The following LY96 variants were observed in gnomAD, a reference collection of about 807,000 sequenced individuals.
LY96 encodes the protein lymphocyte antigen 96.
LY96 carries 18 observed loss-of-function variants against 18.9 expected under a neutral mutation model. That is an observed-to-expected ratio of 0.95 (90% CI 0.66 to 1.41). The LOEUF (loss-of-function observed/expected upper bound fraction) is 1.41, where lower values mean the gene tolerates loss of function less well. LY96 is among the 40% of genes most tolerant of loss of function. LY96 has a pLI of 0.00. For synonymous variants in LY96, 66 were observed against 62.6 expected, an observed-to-expected ratio of 1.06 and a Z score of -0.26; for missense variants, 175 against 182.4, an observed-to-expected ratio of 0.96 and a Z score of 0.23.
At chr8:74,095,468 C>T in the LY96 span, among the ~76,000 whole-genome samples, 1 of 152,166 alleles carries the variant, frequency 6.6e-6, no homozygotes, top group South Asian at 2.1e-4. Context: ...TTGAAGTTTT[C>T]TATCCTTCCT....
At chr8:74,018,129 G>A (rs185952327) in intron 3 of LY96, among the ~76,000 whole-genome samples, 2 of 151,854 alleles carry the variant, frequency 1.3e-5, no homozygotes, top group South Asian at 2.1e-4. Flanking sequence ...GAGTCAAGAC[G>A]TATCAGTGTG....
intron 2 of LY96, among the ~76,000 whole-genome samples, chr8:74,005,601 G>C (rs1292481975): frequency 1.3e-5 from 2 of 152,202 alleles, no homozygotes; most frequent in Non-Finnish European, 2.9e-5. Flanking sequence ...GGTCTTTCTA[G>C]AGAAAAATAC....
chr8:73,997,163 C>A (rs563644681), intron 1 of LY96, among the ~76,000 whole-genome samples: 1 of 152,322 alleles, frequency 6.6e-6, no homozygotes, highest in South Asian at 2.1e-4. Context: ...GGCCTTAAAC[C>A]TGTTTCTGTC....
chr8:74,007,806 C>A (rs146998002), intron 2 of LY96, among the ~76,000 whole-genome samples: 1,684 of 152,298 alleles, frequency 0.011, 19 homozygotes, highest in African/African-American at 0.029. Context: ...GTCACCCAGG[C>A]TGGAGTGCAG....
At chr8:74,038,602 G>A in the LY96 span, among the ~76,000 whole-genome samples, 2 of 152,032 alleles carry the variant, frequency 1.3e-5, no homozygotes, top group African/African-American at 4.8e-5. Flanking sequence ...TATTGACCAG[G>A]CTGGTCTTGA....
At chr8:74,064,744 C>T in the LY96 span, among the ~76,000 whole-genome samples, 4 of 152,210 alleles carry the variant, frequency 2.6e-5, no homozygotes, top group African/African-American at 9.6e-5. Context: ...TCCTTTATAG[C>T]AATACAAATG....
rs114171585 is a variant in LY96 at position 74,014,667 on chromosome 8, G to C, written c.331+4538G>C. 7.4e-3 allele frequency among the ~76,000 whole-genome samples: 1,130 copies of C among 152,060 alleles called. 12 individuals are homozygous for C. The highest frequency in any genetic ancestry group is 0.026 in the African/African-American group (1,068 of 41,482). On this transcript the variant is annotated intron_variant, in intron 3 of 4. Coordinates refer to ENST00000284818, the MANE Select transcript of LY96 (RefSeq NM_015364.5). ...ATCAAGAGACCCTTGAAATTTGGGA[G>C]TCGAATTTGCAAGTACCATACATAT...
At chr8:74,026,920 C>A in intron 4 of LY96, 79 bp downstream of exon 4, 2 of 739,002 alleles carry the variant, frequency 2.7e-6, no homozygotes, top group Non-Finnish European at 4.7e-6. Flanking sequence ...AAGCAATTCA[C>A]AACTTCTTCC....
At chr8:74,043,850 C>T in the LY96 span, among the ~76,000 whole-genome samples, 1 of 152,218 alleles carries the variant, frequency 6.6e-6, no homozygotes, top group African/African-American at 2.4e-5. Context: ...TTATTTTTAT[C>T]TTTGAGACAT....
chr8:74,010,093 G>C lies in LY96; in HGVS notation c.295G>C (p.Asp99His), dbSNP rs367973351. Residue 99 changes from aspartate to histidine, a missense_variant, in exon 3 of 5, where the codon GAT becomes CAT. By Grantham distance (81) the Asp-to-His change is moderately conservative. Coordinates refer to ENST00000284818, the MANE Select transcript of LY96 (RefSeq NM_015364.5). ...KRKEVICRGS[D>H]DDYSFCRALK... ...CAAAGAAGTTATTTGCCGAGGATCT[G>C]ATGACGATTACTCTTTTTGCAGAGC... The C allele has an allele frequency of 1.9e-6, 3 of 1,613,186 alleles. No homozygotes were observed. In the African/African-American group the frequency reaches 4.0e-5, roughly 22 times the overall value.
chr8:74,064,220 T>C, the LY96 span, among the ~76,000 whole-genome samples: 1 of 152,160 alleles, frequency 6.6e-6, no homozygotes, highest in Non-Finnish European at 1.5e-5. Context: ...AATGACTAAA[T>C]TATGATATAG....
At chr8:74,010,330 T>G (rs1586653544) in intron 3 of LY96, among the ~76,000 whole-genome samples, 2 of 152,306 alleles carry the variant, frequency 1.3e-5, no homozygotes, top group Middle Eastern at 6.8e-3. Flanking sequence ...TGATTTGTAT[T>G]ATTAATATTT....
the LY96 span, among the ~76,000 whole-genome samples, chr8:74,097,275 C>T: frequency 6.6e-6 from 1 of 152,290 alleles, no homozygotes; most frequent in Middle Eastern, 3.4e-3. Context: ...CAAATCCTGA[C>T]TCTGGCCCTT....
chr8:74,038,087 C>T, the LY96 span, among the ~76,000 whole-genome samples: 8 of 152,204 alleles, frequency 5.3e-5, no homozygotes, highest in East Asian at 1.5e-3. Flanking sequence ...TCAAAATAGA[C>T]TTCCAAGAAT....
chr8:74,038,536 CTT>C, the LY96 span, among the ~76,000 whole-genome samples: 1 of 152,090 alleles, frequency 6.6e-6, no homozygotes, highest in African/African-American at 2.4e-5. Context: ...TATTCTTGCT[CTT>C]GTTTTTTAAT....
chr8:74,075,961 G>A, the LY96 span, among the ~76,000 whole-genome samples: 1 of 152,288 alleles, frequency 6.6e-6, no homozygotes, highest in African/African-American at 2.4e-5. Context: ...GACCTGTTGC[G>A]ACGCAGTCCT....
At chr8:73,997,251 AC>A (rs1816168823) in intron 1 of LY96, among the ~76,000 whole-genome samples, 1 of 151,970 alleles carries the variant, frequency 6.6e-6, no homozygotes, top group Non-Finnish European at 1.5e-5. Flanking sequence ...TCTTTCCCTC[AC>A]CTATTACATT....
intron 3 of LY96, among the ~76,000 whole-genome samples, chr8:74,021,863 T>C (rs553026122): frequency 2.0e-5 from 3 of 151,788 alleles, no homozygotes; most frequent in Non-Finnish European, 4.4e-5. Flanking sequence ...TAGGTGGGAA[T>C]TGAACAATGA....
At chr8:74,065,414 T>C in the LY96 span, among the ~76,000 whole-genome samples, 1 of 152,248 alleles carries the variant, frequency 6.6e-6, no homozygotes, top group Non-Finnish European at 1.5e-5. Context: ...GTATTTCTTG[T>C]AGGTGTGTAC....
Sources: allele counts gnomAD v4.1 joint callset (sites outside exome capture counted in the v4.1 genomes callset), GRCh38; gene constraint gnomAD v4.1.1; transcripts MANE v1.5; gene names NCBI Gene and HGNC (gene_info 2026-07-23, HGNC 2026-07-21).